KCNJ15: variants seen among roughly 807,000 people sequenced by gnomAD.
KCNJ15 encodes potassium inwardly rectifying channel subfamily J member 15.
Under a neutral mutation model 23.0 loss-of-function variants are expected in KCNJ15, and 14 were observed. The ratio of observed to expected loss-of-function variants is 0.61; its 90% CI spans 0.40 to 0.95. The LOEUF (loss-of-function observed/expected upper bound fraction) is 0.95. KCNJ15 is among the 40% of genes least tolerant of loss of function. The pLI is 0.00. For missense variants in KCNJ15, 388 were observed against 461.8 expected (o/e 0.84, Z 1.46); for synonymous variants, 185 against 183.2 (o/e 1.01, Z -0.08).
Position 38,299,059 on chromosome 21 carries a change from G to T in KCNJ15, c.-18-185G>T, listed in dbSNP as rs558812702. ...GCATTTAACCCCGGTCTGCTTTTCT[G>T]CAAAGCCTCTGCTCCTCACTCTACC... is the stretch of plus-strand genomic sequence containing the variant. On this transcript the variant is annotated intron_variant, in intron 2 of 2. Transcript: ENST00000398938. This position sits in a 1 kb window ranked among gnomAD's most constrained non-coding sequence, Gnocchi z 4.5. Among the ~76,000 whole-genome samples, 7 of 152,276 alleles carry T rather than the reference G, an allele frequency of 4.6e-5. No homozygotes were observed. In the East Asian group the frequency reaches 9.6e-4, roughly 21 times the overall value.
At chr21:38,288,708 T>G (rs1436602494) in intron 1 of KCNJ15, among the ~76,000 whole-genome samples, 7 of 152,206 alleles carry the variant, frequency 4.6e-5, no homozygotes, top group Admixed American at 1.3e-4. Flanking sequence ...GTGAGAGAGA[T>G]AGATTTACTT....
intron 1 of KCNJ15, among the ~76,000 whole-genome samples, chr21:38,294,408 G>A (rs765311462): frequency 2.3e-4 from 35 of 152,266 alleles, no homozygotes; most frequent in Admixed American, 2.6e-4. Flanking sequence ...GTTAAAAGAC[G>A]TGGAATGAGC....
chr21:38,262,306 CTAG>C (rs1392566966), intron 1 of KCNJ15, among the ~76,000 whole-genome samples: 1 of 152,202 alleles, frequency 6.6e-6, no homozygotes, highest in Non-Finnish European at 1.5e-5. Context: ...GCTGCTGTGA[CTAG>C]CATGCTCTAA....
chr21:38,265,047 G>A (rs1239753636), intron 1 of KCNJ15, among the ~76,000 whole-genome samples: 1 of 152,154 alleles, frequency 6.6e-6, no homozygotes, highest in African/African-American at 2.4e-5. Flanking sequence ...GCTAGAAAGG[G>A]GTGATTTGAT....
rs1229448806 is a variant in KCNJ15 at position 38,235,241 on chromosome 21, T to G, written c.-398-21805T>G. On this transcript the variant is annotated intron_variant, in intron 1 of 4. Transcript: ENST00000547341. The stretch of plus-strand genomic sequence containing the variant: ...AACTGCTTTGAGATTTAACTAAATT[T>G]CTTATTTTTTTTTTTTTAAAGTTGA... 4.6e-5 allele frequency among the ~76,000 whole-genome samples: 7 copies of G among 152,274 alleles called. No homozygotes were observed. The East Asian group carries it at 1.3e-3, about 29-fold the overall frequency.
chr21:38,236,189 G>A (rs1227119867), intron 1 of KCNJ15, among the ~76,000 whole-genome samples: 1 of 152,208 alleles, frequency 6.6e-6, no homozygotes, highest in Non-Finnish European at 1.5e-5. Flanking sequence ...GGCTTATTGA[G>A]GCAGGGATGG....
chr21:38,237,627 C>T (rs1978699997), intron 1 of KCNJ15, among the ~76,000 whole-genome samples: 1 of 152,210 alleles, frequency 6.6e-6, no homozygotes, highest in South Asian at 2.1e-4. Context: ...GCAGCAGACT[C>T]TGCCAGCCCA....
intron 1 of KCNJ15, among the ~76,000 whole-genome samples, chr21:38,293,880 T>G (rs1484574719): frequency 6.6e-6 from 1 of 152,260 alleles, no homozygotes; most frequent in African/African-American, 2.4e-5. Context: ...AAGCTATCTG[T>G]GCCCTTGGCT....
intron 1 of KCNJ15, among the ~76,000 whole-genome samples, chr21:38,236,516 T>C (rs1056303854): frequency 6.6e-6 from 1 of 152,184 alleles, no homozygotes; most frequent in African/African-American, 2.4e-5. Context: ...ACTTTCATTT[T>C]CTTAAGCCCA....
chr21:38,274,829 C>T (rs1304368086), intron 1 of KCNJ15, among the ~76,000 whole-genome samples: 1 of 152,154 alleles, frequency 6.6e-6, no homozygotes, highest in Admixed American at 6.5e-5. Flanking sequence ...CTCTCCTCTT[C>T]TCTTTAATAC....
chr21:38,245,709 GAA>G (rs1979327442), intron 1 of KCNJ15, among the ~76,000 whole-genome samples: 1 of 151,174 alleles, frequency 6.6e-6, no homozygotes, highest in African/African-American at 2.4e-5. Flanking sequence ...GGAAAGGAAA[GAA>G]AGAAAGAGAG....
At position 38,265,022 on chromosome 21, in the gene KCNJ15, A is replaced by G. The variant is rs1981317818; in HGVS notation, c.-117+7837A>G. The stretch of plus-strand genomic sequence containing the variant: ...AAGGGGAAAAAATAAAAGAAAGAAT[A>G]TACTGCAATCCCAGGCTAGAAAGGG... On this transcript the variant is annotated intron_variant, in intron 1 of 2. Transcript: ENST00000398938. Among the ~76,000 whole-genome samples the G allele has an allele frequency of 2.0e-5, 3 of 152,340 alleles. No individual in the cohort carries two copies. The South Asian group carries it at 6.2e-4, about 32-fold the overall frequency.
intron 1 of KCNJ15, among the ~76,000 whole-genome samples, chr21:38,271,459 C>T (rs775250877): frequency 2.6e-5 from 4 of 152,166 alleles, no homozygotes; most frequent in Admixed American, 6.5e-5. Flanking sequence ...ACTGGTTTAT[C>T]GTTTGGCAAC....
chr21:38,233,679 G>C (rs1978417604), intron 1 of KCNJ15, among the ~76,000 whole-genome samples: 2 of 151,946 alleles, frequency 1.3e-5, no homozygotes, highest in Non-Finnish European at 2.9e-5. Flanking sequence ...GAATTAAAGA[G>C]GGAATATCAT....
In KCNJ15 at chr21:38,307,003, T is replaced by G. The variant is rs1305535867; in HGVS notation, c.*6614T>G. On this transcript the variant is annotated 3_prime_UTR_variant, in exon 3 of 3. Coordinates refer to ENST00000398938, the MANE Select transcript of KCNJ15 (RefSeq NM_170736.3). Reference sequence around the variant, plus strand: ...CTATATATAGAACCACATCTGATCCTTATACAGTGTTGCAAGATATATGTC... The same window carrying G: ...CTATATATAGAACCACATCTGATCCGTATACAGTGTTGCAAGATATATGTC... The G allele has an allele frequency of 6.6e-6, 1 of 152,216 alleles. No individual in the cohort carries two copies. Among genetic ancestry groups the G allele is most frequent in the Non-Finnish European group, 1.5e-5 (1 of 68,036 alleles). The allele number at this position is 152,216 out of a possible 1,614,324, so 9.4% of individuals were successfully genotyped here.
chr21:38,273,769 A>G (rs1306430233), intron 1 of KCNJ15, among the ~76,000 whole-genome samples: 1 of 152,240 alleles, frequency 6.6e-6, no homozygotes, highest in Non-Finnish European at 1.5e-5. Context: ...AAGTAAATTA[A>G]CTTTCAGAAT....
intron 1 of KCNJ15, among the ~76,000 whole-genome samples, chr21:38,270,666 C>T (rs1981975477): frequency 6.6e-6 from 1 of 152,046 alleles, no homozygotes. Context: ...ACCAAAATGC[C>T]CAACACGAAG....
chr21:38,247,730 T>C (rs866926265), intron 1 of KCNJ15, among the ~76,000 whole-genome samples: 1 of 152,244 alleles, frequency 6.6e-6, no homozygotes, highest in Non-Finnish European at 1.5e-5. Flanking sequence ...TGATGAAAGA[T>C]TGGCATCAGT....
At chr21:38,245,663 AGAAGAAAGAAAGAAGGAAAGG>A (rs1000548797) in intron 1 of KCNJ15, among the ~76,000 whole-genome samples, 78 of 152,002 alleles carry the variant, frequency 5.1e-4, no homozygotes, top group African/African-American at 1.6e-3. Flanking sequence ...GAGAAAGGAA[AGAAGAAAGAAAGAAGGAAAGG>A]GAAGAAAGAA....
Sources: allele counts gnomAD v4.1 joint callset (sites outside exome capture counted in the v4.1 genomes callset), GRCh38; gene constraint gnomAD v4.1.1; non-coding constraint Gnocchi (gnomAD v3.1); transcripts MANE v1.5; gene names NCBI Gene and HGNC (gene_info 2026-07-23, HGNC 2026-07-21).